RPH3A: variants seen among roughly 807,000 people sequenced by gnomAD.
The protein encoded by RPH3A is rabphilin-3A.
In RPH3A, 48 loss-of-function variants were observed where a neutral mutation model predicts 102.2. The ratio of observed to expected loss-of-function variants is 0.47; its 90% CI spans 0.37 to 0.60. The LOEUF (loss-of-function observed/expected upper bound fraction) is 0.60. Ranked by LOEUF, RPH3A falls within the 20% of genes least tolerant of loss-of-function variation. RPH3A has a pLI of 0.00. For missense variants in RPH3A, 781 were observed against 910.1 expected (o/e 0.86, Z 1.83); for synonymous variants, 310 against 324.3 (o/e 0.96, Z 0.47).
intron 1 of RPH3A, among the ~76,000 whole-genome samples, chr12:112,650,306 G>A (rs2039964510): frequency 1.3e-5 from 2 of 152,228 alleles, no homozygotes; most frequent in South Asian, 4.1e-4. Context: ...ACTTATGGAG[G>A]AGGTGGGACT....
At chr12:112,770,623 G>T (rs905252453) in intron 1 of RPH3A, among the ~76,000 whole-genome samples, 2 of 152,148 alleles carry the variant, frequency 1.3e-5, no homozygotes, top group Admixed American at 1.3e-4. Context: ...CAGTTGCTAG[G>T]CTCATGCCTG....
At chr12:112,702,599 A>G (rs867191082) in intron 1 of RPH3A, among the ~76,000 whole-genome samples, 1 of 152,250 alleles carries the variant, frequency 6.6e-6, no homozygotes, top group South Asian at 2.1e-4. Flanking sequence ...CTGTGCAGCC[A>G]TAGACTAGAG....
rs1335843949 is a variant in RPH3A at position 112,828,350 on chromosome 12, A to T, written c.32A>T (p.Asn11Ile). 6.2e-7 allele frequency: 1 copy of T among 1,609,828 alleles called. No individual in the cohort carries two copies. The highest frequency in any genetic ancestry group is 2.2e-5 in the East Asian group (1 of 44,516). Residue 11 changes from asparagine to isoleucine, a missense_variant, in exon 3 of 22, where the codon AAC becomes ATC. Physicochemically the swap from Asn to Ile is moderately radical, Grantham distance 149. Transcript: ENST00000389385. The part of the protein sequence containing the change: MTDTVFSNSS[N>I]RWMYPSDRPL... ...GACACCGTGTTCAGCAACAGTTCTA[A>T]CCGTTGGATGTACCCCAGTGACCGG... is the stretch of plus-strand genomic sequence containing the variant.
intron 1 of RPH3A, among the ~76,000 whole-genome samples, chr12:112,719,427 A>G (rs2136041339): frequency 6.6e-6 from 1 of 152,258 alleles, no homozygotes; most frequent in East Asian, 1.9e-4. Context: ...ATATTTATGC[A>G]CCAATTCCCC....
At chr12:112,667,717 A>C (rs952854244) in intron 1 of RPH3A, among the ~76,000 whole-genome samples, 1 of 130,648 alleles carries the variant, frequency 7.7e-6, no homozygotes, top group Admixed American at 8.2e-5. Flanking sequence ...AGAGAGAGAG[A>C]GAGAAATTAC....
At chr12:112,841,727 G>A (rs113276561) in intron 4 of RPH3A, among the ~76,000 whole-genome samples, 1,548 of 120,854 alleles carry the variant, frequency 0.013, 35 homozygotes, top group African/African-American at 0.049. Flanking sequence ...TTTTTCCATT[G>A]CATCCTAATA....
At chr12:112,705,486 A>G (rs938189608) in intron 1 of RPH3A, among the ~76,000 whole-genome samples, 5 of 152,232 alleles carry the variant, frequency 3.3e-5, no homozygotes, top group African/African-American at 9.6e-5. Context: ...TTATAGTTCA[A>G]TGGTACAATA....
chr12:112,888,051 C>T, intron 17 of RPH3A, 128 bp downstream of exon 17: 2 of 1,017,654 alleles, frequency 2.0e-6, no homozygotes, highest in Non-Finnish European at 2.9e-6. Context: ...AGCAGGTCTG[C>T]AGAGGAGAGT....
chr12:112,624,071 G>A (rs2135982170), intron 1 of RPH3A, among the ~76,000 whole-genome samples: 1 of 148,646 alleles, frequency 6.7e-6, no homozygotes, highest in African/African-American at 2.5e-5. Flanking sequence ...TGTGTAGAGG[G>A]AAATTTATAG....
intron 17 of RPH3A, among the ~76,000 whole-genome samples, chr12:112,888,766 C>T (rs191452129): frequency 1.7e-4 from 26 of 152,288 alleles, no homozygotes; most frequent in African/African-American, 3.1e-4. Flanking sequence ...CAGAATTAAC[C>T]GGGGGATTCT....
intron 2 of RPH3A, among the ~76,000 whole-genome samples, chr12:112,798,500 C>A (rs2041277550): frequency 6.6e-6 from 1 of 152,140 alleles, no homozygotes; most frequent in Admixed American, 6.5e-5. Context: ...ATTATGTAAG[C>A]AGGTTTTGGT....
chr12:112,805,492 C>G (rs1429971646), intron 2 of RPH3A, among the ~76,000 whole-genome samples: 1 of 152,112 alleles, frequency 6.6e-6, no homozygotes, highest in Non-Finnish European at 1.5e-5. Flanking sequence ...GGGAAATGGG[C>G]TTGAGTTTCT....
At chr12:112,743,332 C>G (rs541048559) in intron 1 of RPH3A, among the ~76,000 whole-genome samples, 3 of 152,214 alleles carry the variant, frequency 2.0e-5, no homozygotes, top group Non-Finnish European at 4.4e-5. Context: ...AACCACATCA[C>G]CTTTGCTGCA....
intron 2 of RPH3A, among the ~76,000 whole-genome samples, chr12:112,821,403 A>G (rs739835): frequency 0.086 from 13,064 of 151,996 alleles, 636 homozygotes; most frequent in Middle Eastern, 0.13. Flanking sequence ...TCATGATCTG[A>G]CACCCACCCC....
At chr12:112,653,356 C>T (rs957959907) in intron 1 of RPH3A, among the ~76,000 whole-genome samples, 9 of 141,978 alleles carry the variant, frequency 6.3e-5, no homozygotes, top group East Asian at 2.0e-4. Flanking sequence ...GGTGACACAG[C>T]GAGACTCCAT....
At chr12:112,873,540 C>T (rs1162838158) in intron 10 of RPH3A, among the ~76,000 whole-genome samples, 1 of 152,188 alleles carries the variant, frequency 6.6e-6, no homozygotes, top group Non-Finnish European at 1.5e-5. Context: ...TTTTGATCAC[C>T]CACATACTCT....
At chr12:112,794,937 C>T (rs1281273990) in intron 2 of RPH3A, among the ~76,000 whole-genome samples, 1 of 152,222 alleles carries the variant, frequency 6.6e-6, no homozygotes, top group Non-Finnish European at 1.5e-5. Context: ...GCCATGGAGA[C>T]AAATGTGGAC....
chr12:112,746,283 G>A (rs2040744996), intron 1 of RPH3A, among the ~76,000 whole-genome samples: 1 of 152,094 alleles, frequency 6.6e-6, no homozygotes, highest in Non-Finnish European at 1.5e-5. Context: ...ACAATTAAAT[G>A]CATGATCACA....
rs114608208 is a variant in RPH3A at position 112,591,387 on chromosome 12, C to A, written c.-140+16068C>A. Among the ~76,000 whole-genome samples the A allele has an allele frequency of 9.0e-3, 1,367 of 152,336 alleles. 21 individuals carry two copies. Among genetic ancestry groups the A allele is most frequent in the African/African-American group, 0.031 (1,276 of 41,580 alleles). ...AAGTGTGTGTGAGCCACTGCACTGGCCCTGCAGAGCGCCATTCTATGGGCA... is the reference window on the plus strand; with the variant it reads ...AAGTGTGTGTGAGCCACTGCACTGGACCTGCAGAGCGCCATTCTATGGGCA... On this transcript the variant is annotated intron_variant, in intron 1 of 21. Transcript: ENST00000543106.
Sources: gnomAD v4.1 joint callset for allele counts (sites outside exome capture counted in the v4.1 genomes callset) on GRCh38, gnomAD v4.1.1 for gene constraint, MANE v1.5 for transcripts, NCBI Gene and HGNC (gene_info 2026-07-23, HGNC 2026-07-21) for gene names.